PTBP3: variants seen among roughly 807,000 people sequenced by gnomAD.
PTBP3 encodes the protein polypyrimidine tract-binding protein 3.
PTBP3 carries 20 observed loss-of-function variants against 58.7 expected under a neutral mutation model. The observed-to-expected ratio is 0.34, with a 90% confidence interval of 0.24 to 0.50. The LOEUF (loss-of-function observed/expected upper bound fraction) is 0.50. Among genes scored for constraint, PTBP3 ranks in the 20% least tolerant of loss-of-function variants. PTBP3 has a pLI of 0.98. For synonymous variants in PTBP3, 185 were observed against 219.8 expected (o/e 0.84, Z 1.40); for missense variants, 509 against 637.2 (o/e 0.80, Z 2.17).
At chr9:112,304,519 T>C (rs1421974425) in intron 1 of PTBP3, among the ~76,000 whole-genome samples, 1 of 152,236 alleles carries the variant, frequency 6.6e-6, no homozygotes, top group Non-Finnish European at 1.5e-5. Context: ...TCCGCTCTAT[T>C]ATCCTTTTAA....
intron 1 of PTBP3, among the ~76,000 whole-genome samples, chr9:112,302,582 C>CTTTTTTTTTTTTT (rs369208342): frequency 2.0e-4 from 22 of 110,502 alleles, no homozygotes; most frequent in African/African-American, 5.1e-4. Flanking sequence ...TATTCTTCAT[C>CTTTTTTTTTTTTT]TTTTTTTTTT....
chr9:112,353,062 G>A, the PTBP3 span, among the ~76,000 whole-genome samples: 1 of 151,918 alleles, frequency 6.6e-6, no homozygotes, highest in East Asian at 1.9e-4. Flanking sequence ...CACCACGCCT[G>A]GTTAATTTTT....
At position 112,235,779 on chromosome 9, in the gene PTBP3, G is replaced by T. The variant is rs561920323; in HGVS notation, c.803-882C>A. ...AGAGCACAAGACAAGAAATGAAGAA[G>T]GCTAAAGATACAGCCTGGGGGTATA... On this transcript the variant is annotated intron_variant, in intron 7 of 13. Transcript: ENST00000374257. Among the ~76,000 whole-genome samples, 274 of 152,198 alleles carry T rather than the reference G, an allele frequency of 1.8e-3. 1 individual carries two copies. Among genetic ancestry groups the T allele is most frequent in the Non-Finnish European group, 3.2e-3 (216 of 68,012 alleles).
chr9:112,237,689 G>A (rs553542099), intron 7 of PTBP3, among the ~76,000 whole-genome samples: 105 of 152,272 alleles, frequency 6.9e-4, no homozygotes, highest in Non-Finnish European at 1.2e-3. Flanking sequence ...TCAGCTCATG[G>A]GGTAGCAGGC....
intron 7 of PTBP3, among the ~76,000 whole-genome samples, chr9:112,240,599 A>ATATAC (rs1177117398): frequency 6.6e-6 from 1 of 151,258 alleles, no homozygotes; most frequent in Non-Finnish European, 1.5e-5. Flanking sequence ...ATTATATAGT[A>ATATAC]TATACTATAC....
At chr9:112,241,210 T>C (rs1166878520) in intron 7 of PTBP3, among the ~76,000 whole-genome samples, 1 of 152,086 alleles carries the variant, frequency 6.6e-6, no homozygotes, top group Non-Finnish European at 1.5e-5. Context: ...TTCAAGCAAT[T>C]CTCCTGCCTC....
chr9:112,300,687 G>A (rs998296442), intron 1 of PTBP3, among the ~76,000 whole-genome samples: 4 of 152,102 alleles, frequency 2.6e-5, no homozygotes, highest in African/African-American at 9.7e-5. Flanking sequence ...GGGAGGCAGA[G>A]ATTGCAGTGA....
At chr9:112,246,679 C>G (rs10981327) in intron 7 of PTBP3, among the ~76,000 whole-genome samples, 1 of 147,762 alleles carries the variant, frequency 6.8e-6, no homozygotes, top group Non-Finnish European at 1.5e-5. Flanking sequence ...GGCAACAGAG[C>G]GAGACTCTGT....
At chr9:112,244,563 T>C (rs1835804086) in intron 7 of PTBP3, among the ~76,000 whole-genome samples, 1 of 151,806 alleles carries the variant, frequency 6.6e-6, no homozygotes, top group Admixed American at 6.6e-5. Context: ...CCTGTGGTCC[T>C]GGCTACTCAG....
At chr9:112,249,704 A>G (rs1836026628) in intron 7 of PTBP3, among the ~76,000 whole-genome samples, 1 of 152,122 alleles carries the variant, frequency 6.6e-6, no homozygotes, top group Non-Finnish European at 1.5e-5. Context: ...ATATTTTTAA[A>G]ATGTCCTCCT....
chr9:112,365,154 G>GTCTA, the PTBP3 span, among the ~76,000 whole-genome samples: 19 of 81,178 alleles, frequency 2.3e-4, no homozygotes, highest in Non-Finnish European at 5.4e-4. Flanking sequence ...CATTGTATAT[G>GTCTA]TCTATCTATC....
Position 112,242,369 on chromosome 9 carries a change from T to C in PTBP3, c.803-7472A>G, listed in dbSNP as rs1288541546. ...TTTGCCAACTTGGAGTGAGTAATGTTTGCCTTTTGGTTTTATCTTTCAAGC... is the reference window on the plus strand; with the variant it reads ...TTTGCCAACTTGGAGTGAGTAATGTCTGCCTTTTGGTTTTATCTTTCAAGC... On this transcript the variant is annotated intron_variant, in intron 7 of 13. Coordinates refer to ENST00000374257, the MANE Select transcript of PTBP3 (RefSeq NM_001163788.4). Among the ~76,000 whole-genome samples, 5 of 151,264 alleles carry C rather than the reference T, an allele frequency of 3.3e-5. No homozygotes were observed. The East Asian group carries it at 7.8e-4, about 24-fold the overall frequency.
intron 5 of PTBP3, among the ~76,000 whole-genome samples, chr9:112,260,669 G>A (rs751873784): frequency 2.6e-5 from 4 of 152,216 alleles, no homozygotes; most frequent in Non-Finnish European, 5.9e-5. Context: ...GACAGTGCCA[G>A]AAAAGACAGG....
At position 112,221,117 on chromosome 9, in the gene PTBP3, C is replaced by T; in HGVS notation, c.*2734G>A. ...TGCTACAGCTAATTTTAGACACAAA[C>T]TGATGGTTTCAAACATGCTATTTTA... is the stretch of plus-strand genomic sequence containing the variant. On this transcript the variant is annotated 3_prime_UTR_variant, in exon 14 of 14. Coordinates refer to ENST00000374257, the MANE Select transcript of PTBP3 (RefSeq NM_001163788.4). The T allele has an allele frequency of 1.0e-6, 1 of 985,640 alleles. No homozygotes were observed. The highest frequency in any genetic ancestry group is 4.7e-5 in the South Asian group (1 of 21,284). The allele number at this position is 985,640 out of a possible 1,614,324, so 61.1% of individuals were successfully genotyped here. A position where few individuals can be genotyped will look rare whatever the true frequency, so the allele number is the denominator to read the frequency against.
At position 112,274,684 on chromosome 9, in the gene PTBP3, C is replaced by G. The variant is rs369333467; in HGVS notation, c.204+1160G>C. Among the ~76,000 whole-genome samples the G allele has an allele frequency of 2.8e-4, 43 of 152,122 alleles. No homozygotes were observed. The South Asian group carries it at 8.7e-3, about 31-fold the overall frequency. ...AAGAAGCCACATATTAATTCTATAC[C>G]TAAAATAAACTGTTAGACTTTTTGA... On this transcript the variant is annotated intron_variant, in intron 3 of 13. Transcript: ENST00000374257.
At chr9:112,260,058 C>T (rs1249727082) in intron 5 of PTBP3, among the ~76,000 whole-genome samples, 1 of 152,118 alleles carries the variant, frequency 6.6e-6, no homozygotes, top group Non-Finnish European at 1.5e-5. Flanking sequence ...CAGATACATG[C>T]CAGCACACCC....
chr9:112,228,573 G>T, intron 10 of PTBP3, 101 bp from the exon 11 acceptor site: 5 of 684,536 alleles, frequency 7.3e-6, no homozygotes, highest in Middle Eastern at 4.1e-4. Context: ...ACTCTCCCTT[G>T]GCAATTCCAT....
At chr9:112,290,009 T>C (rs948405222) in intron 2 of PTBP3, among the ~76,000 whole-genome samples, 2 of 152,272 alleles carry the variant, frequency 1.3e-5, no homozygotes, top group East Asian at 1.9e-4. Flanking sequence ...TTGCAGACAA[T>C]TGAAGAACAT....
chr9:112,369,476 C>T, the PTBP3 span, among the ~76,000 whole-genome samples: 1 of 152,118 alleles, frequency 6.6e-6, no homozygotes, highest in Admixed American at 6.6e-5. Context: ...TTTGACTATC[C>T]CTCTGGATTT....
Sources: allele counts gnomAD v4.1 joint callset (sites outside exome capture counted in the v4.1 genomes callset), GRCh38; gene constraint gnomAD v4.1.1; transcripts MANE v1.5; gene names NCBI Gene and HGNC (gene_info 2026-07-23, HGNC 2026-07-21).